Variants in DISP1 observed in about 807,000 individuals in gnomAD.
DISP1 encodes protein dispatched homolog 1.
Under a neutral mutation model 37.3 loss-of-function variants are expected in DISP1, and 30 were observed. The ratio of observed to expected loss-of-function variants is 0.80; its 90% CI spans 0.60 to 1.09. The LOEUF (loss-of-function observed/expected upper bound fraction) is 1.09, where lower values mean the gene tolerates loss of function less well. Among genes scored for constraint, DISP1 ranks in the 50% least tolerant of loss-of-function variants. The pLI, the probability that DISP1 is intolerant of heterozygous loss-of-function variation, is 0.00. For missense variants in DISP1, 1,598 were observed against 1,879.5 expected (o/e 0.85, Z 2.77); for synonymous variants, 634 against 690.2 (o/e 0.92, Z 1.28).
intron 3 of DISP1, among the ~76,000 whole-genome samples, chr1:222,962,982 G>A (rs990464774): frequency 1.3e-5 from 2 of 152,188 alleles, no homozygotes; most frequent in African/African-American, 4.8e-5. Flanking sequence ...TATCACCAGA[G>A]TGAACAGGCA....
At chr1:222,938,012 T>C (rs1674098803) in intron 2 of DISP1, among the ~76,000 whole-genome samples, 1 of 152,024 alleles carries the variant, frequency 6.6e-6, no homozygotes, top group African/African-American at 2.4e-5. Context: ...TAGCTGGGAC[T>C]ACAAGCAAAC....
Position 222,975,432 on chromosome 1 carries a change from TA to T in DISP1, c.510-7647del, listed in dbSNP as rs1173260742. On this transcript the variant is annotated intron_variant, in intron 3 of 8. Coordinates refer to ENST00000675850, the MANE Select transcript of DISP1 (RefSeq NM_001377229.1). ...TGTATTTCAGTATTCTTATTTGCTT[TA>T]CAAGCTCCCCTTCTCCTTCCAAAAA... Among the ~76,000 whole-genome samples the T allele has an allele frequency of 2.0e-5, 3 of 152,302 alleles. No homozygotes were observed. The East Asian group carries it at 5.8e-4, about 29-fold the overall frequency.
chr1:222,915,065 G>T (rs747787923), intron 1 of DISP1, among the ~76,000 whole-genome samples: 1 of 152,164 alleles, frequency 6.6e-6, no homozygotes, highest in African/African-American at 2.4e-5. Flanking sequence ...TAAAATCTGA[G>T]TTCAGCTGTG....
At chr1:222,971,395 C>T (rs1419048974) in intron 3 of DISP1, among the ~76,000 whole-genome samples, 2 of 127,508 alleles carry the variant, frequency 1.6e-5, no homozygotes, top group Non-Finnish European at 3.7e-5. Context: ...TATTTTTTAA[C>T]CCCACACCCC....
chr1:222,863,258 T>TA (rs1350170215), intron 1 of DISP1, among the ~76,000 whole-genome samples: 1 of 138,902 alleles, frequency 7.2e-6, no homozygotes, highest in Non-Finnish European at 1.7e-5. Context: ...CGGTGGCTCA[T>TA]ACCTGTAATC....
intron 1 of DISP1, among the ~76,000 whole-genome samples, chr1:222,839,308 G>T (rs747280669): frequency 6.6e-6 from 1 of 152,152 alleles, no homozygotes; most frequent in African/African-American, 2.4e-5. Flanking sequence ...TCTAATGCCC[G>T]ATGATCTGAG....
intron 8 of DISP1, among the ~76,000 whole-genome samples, chr1:222,999,214 G>A (rs1337588318): frequency 6.6e-6 from 1 of 152,066 alleles, no homozygotes. Context: ...AACCACATAA[G>A]CACAATGATT....
Position 223,002,947 on chromosome 1 carries a change from T to G in DISP1, c.1550T>G (p.Val517Gly), listed in dbSNP as rs960755202. Residue 517 changes from valine to glycine, a missense_variant, in exon 9 of 9, where the codon GTT (valine) becomes GGT (glycine). By Grantham distance (109) the Val-to-Gly change is moderately radical. Coordinates refer to ENST00000675850, the MANE Select transcript of DISP1 (RefSeq NM_001377229.1). ...ATAGCCATTGTGATTGTCCTTTTAGTTATGTGTGTCTACACCAAGTCCATG... is the reference window on the plus strand; with the variant it reads ...ATAGCCATTGTGATTGTCCTTTTAGGTATGTGTGTCTACACCAAGTCCATG... ...PAIAIVIVLL[V>G]MCVYTKSMFI... 6.2e-7 allele frequency: 1 copy of G among 1,613,880 alleles called. No homozygotes were observed. Among genetic ancestry groups the G allele is most frequent in the African/African-American group, 1.3e-5 (1 of 74,944 alleles).
At chr1:222,821,698 A>AC (rs1330140909) in intron 1 of DISP1, among the ~76,000 whole-genome samples, 2 of 152,090 alleles carry the variant, frequency 1.3e-5, no homozygotes, top group African/African-American at 4.8e-5. Context: ...CAACATGGTG[A>AC]AACTCTGTGT....
rs116048669 is a variant in DISP1, at chr1:222,982,647, C to A, written c.510-433C>A. Among the ~76,000 whole-genome samples the A allele has an allele frequency of 3.8e-3, 572 of 152,188 alleles. 2 individuals carry two copies. The highest frequency in any genetic ancestry group is 0.013 in the African/African-American group (532 of 41,526). ...GGTATCTTGAAGAGGGAATAGAATA[C>A]CTAAAAGAAGGTATTAATATCCAAT... On this transcript the variant is annotated intron_variant, in intron 3 of 8. Transcript: ENST00000675850.
chr1:222,862,155 A>G (rs1160921149), intron 1 of DISP1, among the ~76,000 whole-genome samples: 1 of 152,200 alleles, frequency 6.6e-6, no homozygotes, highest in Non-Finnish European at 1.5e-5. Flanking sequence ...GCATGAATGA[A>G]TTAACCATAG....
At chr1:222,910,211 G>T (rs1890617) in intron 1 of DISP1, among the ~76,000 whole-genome samples, 1 of 151,952 alleles carries the variant, frequency 6.6e-6, no homozygotes, top group African/African-American at 2.4e-5. Flanking sequence ...AAAAAATACA[G>T]AAAATAGCAG....
At chr1:222,901,688 T>C (rs1303441126) in intron 1 of DISP1, among the ~76,000 whole-genome samples, 2 of 152,074 alleles carry the variant, frequency 1.3e-5, no homozygotes, top group African/African-American at 2.4e-5. Context: ...CCACAATACC[T>C]GGCTAATTTT....
intron 1 of DISP1, among the ~76,000 whole-genome samples, chr1:222,873,744 C>T (rs1221520902): frequency 1.3e-5 from 2 of 152,096 alleles, no homozygotes; most frequent in Non-Finnish European, 2.9e-5. Flanking sequence ...CAGTCTGTGC[C>T]TTTTAATTGG....
intron 1 of DISP1, among the ~76,000 whole-genome samples, chr1:222,907,692 C>G (rs138473604): frequency 0.011 from 1,749 of 152,324 alleles, 22 homozygotes; most frequent in African/African-American, 0.04. Flanking sequence ...TGGCTCATGC[C>G]TGTAATCCCA....
chr1:222,836,756 T>TACAC (rs1384366973), intron 1 of DISP1, among the ~76,000 whole-genome samples: 44 of 148,940 alleles, frequency 3.0e-4, no homozygotes, highest in African/African-American at 7.1e-4. Context: ...TATATATATA[T>TACAC]ATATATACAC....
At chr1:222,983,270 T>C (rs1463203839) in intron 4 of DISP1, among the ~76,000 whole-genome samples, 161 bp downstream of exon 4, 2 of 152,182 alleles carry the variant, frequency 1.3e-5, no homozygotes, top group Admixed American at 1.3e-4. Context: ...AGGAATTCCA[T>C]ATCTCCAAAA....
chr1:222,858,092 T>C (rs768310506), intron 1 of DISP1, among the ~76,000 whole-genome samples: 3 of 152,028 alleles, frequency 2.0e-5, no homozygotes, highest in Admixed American at 6.5e-5. Flanking sequence ...AACAGACACA[T>C]AGACCAGTGG....
At chr1:222,861,845 C>T (rs1367911213) in intron 1 of DISP1, among the ~76,000 whole-genome samples, 1 of 152,140 alleles carries the variant, frequency 6.6e-6, no homozygotes, top group Non-Finnish European at 1.5e-5. Context: ...ACATGTTTCT[C>T]AGAAGATAGA....
Sources: gnomAD v4.1 joint callset for allele counts (sites outside exome capture counted in the v4.1 genomes callset) on GRCh38, gnomAD v4.1.1 for gene constraint, MANE v1.5 for transcripts, NCBI Gene and HGNC (gene_info 2026-07-23, HGNC 2026-07-21) for gene names.